Variants in FKBP5 observed in about 807,000 individuals in gnomAD.
FKBP5 encodes FKBP prolyl isomerase 5, also known as peptidyl-prolyl cis-trans isomerase FKBP5.
A neutral mutation model predicts 50.5 loss-of-function variants in FKBP5; 23 were observed. The observed-to-expected ratio is 0.46, with a 90% confidence interval of 0.33 to 0.65. The LOEUF is 0.65. Ranked by LOEUF, FKBP5 falls within the 30% of genes least tolerant of loss-of-function variation. The pLI is 0.02. For synonymous variants in FKBP5, 176 were observed against 190.6 expected (o/e 0.92, Z 0.63); for missense variants, 411 against 553.1 (o/e 0.74, Z 2.58).
At chr6:35,704,938 G>A (rs925309204) in intron 2 of FKBP5, among the ~76,000 whole-genome samples, 8 of 151,356 alleles carry the variant, frequency 5.3e-5, no homozygotes, top group Non-Finnish European at 1.0e-4. Context: ...TCAGGAAATC[G>A]AGACCATCCT....
At chr6:35,685,742 G>A (rs181497702) in intron 1 of FKBP5, among the ~76,000 whole-genome samples, 1 of 152,246 alleles carries the variant, frequency 6.6e-6, no homozygotes, top group East Asian at 1.9e-4. Context: ...AGCACTTTGG[G>A]AGGCTGAGGC....
intron 2 of FKBP5, among the ~76,000 whole-genome samples, chr6:35,694,283 C>CTACA (rs1269814168): frequency 1.3e-5 from 2 of 152,140 alleles, no homozygotes; most frequent in Admixed American, 1.3e-4. Context: ...GTAACTGGGA[C>CTACA]TACAGGTGTG....
chr6:35,624,183 G>C (rs1264795025), intron 3 of FKBP5, among the ~76,000 whole-genome samples: 1 of 152,116 alleles, frequency 6.6e-6, no homozygotes, highest in African/African-American at 2.4e-5. Flanking sequence ...GAAACTGCTT[G>C]AACACTTACA....
At chr6:35,697,176 C>T (rs531339106) in intron 2 of FKBP5, among the ~76,000 whole-genome samples, 1 of 152,192 alleles carries the variant, frequency 6.6e-6, no homozygotes, top group South Asian at 2.1e-4. Context: ...AAGGTGGGCC[C>T]AATTCAAATG....
intron 1 of FKBP5, among the ~76,000 whole-genome samples, chr6:35,724,112 C>T (rs1396457661): frequency 6.6e-6 from 1 of 152,220 alleles, no homozygotes; most frequent in Non-Finnish European, 1.5e-5. Context: ...AATGGTGGTG[C>T]TTTCTCCCAA....
At chr6:35,658,718 G>A (rs1581859922) in intron 1 of FKBP5, among the ~76,000 whole-genome samples, 3 of 21,066 alleles carry the variant, frequency 1.4e-4, no homozygotes, top group African/African-American at 2.2e-4. Context: ...AACCCTATTT[G>A]GTCACTGTAT....
At chr6:35,585,980 T>C in intron 8 of FKBP5, 5 of 985,034 alleles carry the variant, frequency 5.1e-6, no homozygotes, top group Non-Finnish European at 6.0e-6. Context: ...GCATGTCTTA[T>C]AGCAGATGCC....
chr6:35,716,342 G>T (rs149091791), intron 2 of FKBP5, among the ~76,000 whole-genome samples: 1 of 152,092 alleles, frequency 6.6e-6, no homozygotes, highest in East Asian at 1.9e-4. Flanking sequence ...CACCGCACTC[G>T]TCTAGGCAAC....
chr6:35,701,223 G>GT (rs71002592), intron 2 of FKBP5, among the ~76,000 whole-genome samples: 1 of 148,228 alleles, frequency 6.7e-6, no homozygotes, highest in Non-Finnish European at 1.5e-5. Flanking sequence ...TTGTTTGTTT[G>GT]TTTGTTTTTG....
At chr6:35,619,998 G>T in intron 4 of FKBP5, 134 bp downstream of exon 4, 2 of 1,087,818 alleles carry the variant, frequency 1.8e-6, no homozygotes, top group Non-Finnish European at 2.7e-6. Context: ...AATTCAAGAA[G>T]CCATGCTCCA....
intron 1 of FKBP5, among the ~76,000 whole-genome samples, chr6:35,684,518 A>G (rs1447742747): frequency 6.6e-6 from 1 of 152,168 alleles, no homozygotes; most frequent in Non-Finnish European, 1.5e-5. Context: ...TTAAGCCTTG[A>G]TTTTGATAAC....
At chr6:35,653,085 G>A (rs557302967) in intron 1 of FKBP5, among the ~76,000 whole-genome samples, 6 of 152,286 alleles carry the variant, frequency 3.9e-5, no homozygotes, top group South Asian at 2.1e-4. Flanking sequence ...TCCAGGCCAG[G>A]CACAGTGGCT....
intron 1 of FKBP5, among the ~76,000 whole-genome samples, chr6:35,665,323 C>T (rs1176029703): frequency 6.8e-6 from 1 of 147,952 alleles, no homozygotes. Context: ...GAGTCTCACT[C>T]TGTCACCAAG....
At position 35,577,131 on chromosome 6, in the gene FKBP5, CT is replaced by C. The variant is rs1443060599; in HGVS notation, c.1128del (p.Val377CysfsTer4). The C allele has an allele frequency of 6.2e-7, 1 of 1,614,204 alleles. No individual in the cohort carries two copies. The highest frequency in any genetic ancestry group is 8.5e-7 in the Non-Finnish European group (1 of 1,180,024). Reference protein sequence around the residue: ...EFESAKGDFEKVLEVNPQNKA... With the variant: ...EFESAKGDFEXVLEVNPQNKA... ...TTATTCTGGGGGTTTACTTCCAGCA[CT>C]TTCTCAAAGTCACCCTTGGCTGACT... is the stretch of plus-strand genomic sequence containing the variant. On this transcript the variant is annotated frameshift_variant, in exon 10 of 11. Coordinates refer to ENST00000357266, the MANE Select transcript of FKBP5 (RefSeq NM_004117.4). LOFTEE classifies it high-confidence loss of function.
rs1176516447 is a variant in FKBP5, at chr6:35,575,931, A to G, written c.1278T>C (p.Asn426=). The part of the protein sequence containing the change: ...FAEQDAKEEA[N]KAMGKKTSEG... ...CTGAAGTCTTCTTGCCCATTGCTTT[A>G]TTGGCCTCTTCCTAAGGAAGAAATA... Residue 426 remains asparagine (N), a synonymous_variant, in exon 11 of 11, where the codon AAT becomes AAC. Coordinates refer to ENST00000357266, the MANE Select transcript of FKBP5 (RefSeq NM_004117.4). The G allele has an allele frequency of 6.2e-7, 1 of 1,609,290 alleles. No homozygotes were observed. The highest frequency in any genetic ancestry group is 8.5e-7 in the Non-Finnish European group (1 of 1,175,826).
chr6:35,705,558 C>G (rs1002554150), intron 2 of FKBP5, among the ~76,000 whole-genome samples: 5 of 151,626 alleles, frequency 3.3e-5, no homozygotes, highest in African/African-American at 1.2e-4. Flanking sequence ...AGCCACTGTG[C>G]CCGGCCTGCA....
intron 2 of FKBP5, among the ~76,000 whole-genome samples, chr6:35,716,403 T>C (rs546573183): frequency 1.3e-4 from 19 of 151,974 alleles, no homozygotes; most frequent in African/African-American, 4.6e-4. Flanking sequence ...AACAGGAAGA[T>C]CAGGCAGGTG....
At chr6:35,709,875 G>A (rs1157384390) in intron 2 of FKBP5, among the ~76,000 whole-genome samples, 2 of 73,924 alleles carry the variant, frequency 2.7e-5, no homozygotes, top group Non-Finnish European at 2.7e-5. Flanking sequence ...ACTGCTTTTA[G>A]GTAAAAAAAA....
chr6:35,617,142 T>C (rs904306068), intron 5 of FKBP5, among the ~76,000 whole-genome samples: 4 of 152,114 alleles, frequency 2.6e-5, no homozygotes, highest in African/African-American at 9.7e-5. Flanking sequence ...TCTTCATGTA[T>C]TCAAAAACTT....
Sources: allele counts gnomAD v4.1 joint callset (sites outside exome capture counted in the v4.1 genomes callset), GRCh38; gene constraint gnomAD v4.1.1; transcripts MANE v1.5; gene names NCBI Gene and HGNC (gene_info 2026-07-23, HGNC 2026-07-21).